Variants in COL4A3 observed in about 807,000 individuals in gnomAD.
The protein encoded by COL4A3 is collagen type IV alpha 3 chain.
A neutral mutation model predicts 217.4 loss-of-function variants in COL4A3; 135 were observed. That is an observed-to-expected ratio of 0.62 (90% CI 0.54 to 0.72). The LOEUF (loss-of-function observed/expected upper bound fraction) is 0.72. Ranked by LOEUF, COL4A3 falls within the 30% of genes least tolerant of loss-of-function variation. COL4A3 has a pLI of 0.00. For missense variants in COL4A3, 1,868 were observed against 2,119.9 expected, an observed-to-expected ratio of 0.88 and a Z score of 2.33; for synonymous variants, 690 against 736.3, an observed-to-expected ratio of 0.94 and a Z score of 1.02.
In COL4A3 at chr2:227,203,419, ATACATACATATATGTGTG is replaced by A. The variant is rs769772683; in HGVS notation, c.88-34546_88-34529del. On this transcript the variant is annotated intron_variant, in intron 1 of 51. Coordinates refer to ENST00000396578, the MANE Select transcript of COL4A3 (RefSeq NM_000091.5). Reference sequence around the variant, plus strand: ...TATGTGTATACATACATATATGTGTATACATACATATATGTGTGTATATGTGTATACATACATATATGT... The same window carrying A: ...TATGTGTATACATACATATATGTGTATATATGTGTATACATACATATATGT... Among the ~76,000 whole-genome samples the A allele has an allele frequency of 7.5e-4, 42 of 55,872 alleles. 15 individuals carry two copies. Among genetic ancestry groups the A allele is most frequent in the Non-Finnish European group, 1.1e-3 (34 of 29,668 alleles). The allele number at this position is 55,872 out of a possible 152,430, so 36.7% of individuals were successfully genotyped here. A position where few individuals can be genotyped will look rare whatever the true frequency, so the allele number is the denominator to read the frequency against.
chr2:227,280,532 C>G lies in COL4A3; in HGVS notation c.2316C>G (p.Leu772=), dbSNP rs1223874702. The G allele has an allele frequency of 1.9e-6, 3 of 1,614,084 alleles. No homozygotes were observed. The highest frequency in any genetic ancestry group is 2.5e-6 in the Non-Finnish European group (3 of 1,179,970). ...CTGGGGAACATGGAGAAATTGGACT[C>G]CCTGGACTTCCAGGTCTCCCTGGAA... The part of the protein sequence containing the change: ...GNSGEHGEIG[L]PGLPGLPGTP... The change falls in exon 30 of 52, where the codon CTC becomes CTG. Residue 772 remains leucine (L), a synonymous_variant. Coordinates refer to ENST00000396578, the MANE Select transcript of COL4A3 (RefSeq NM_000091.5).
chr2:227,246,871 ATAGT>A (rs770688038), intron 7 of COL4A3, 133 bp downstream of exon 7: 6 of 810,092 alleles, frequency 7.4e-6, no homozygotes, highest in South Asian at 4.1e-5. Flanking sequence ...CATTCAACTA[ATAGT>A]TAGGGAATGG....
At chr2:227,214,626 G>T (rs2067458363) in intron 1 of COL4A3, among the ~76,000 whole-genome samples, 1 of 152,266 alleles carries the variant, frequency 6.6e-6, no homozygotes, top group East Asian at 1.9e-4. Context: ...AGGTCCTATT[G>T]CTATCTCTGG....
intron 1 of COL4A3, among the ~76,000 whole-genome samples, chr2:227,229,499 G>A (rs1354108839): frequency 6.6e-6 from 1 of 152,168 alleles, no homozygotes; most frequent in Non-Finnish European, 1.5e-5. Flanking sequence ...CTTTGGCACT[G>A]GACAAGGGAC....
chr2:227,266,527 T>C lies in COL4A3; in HGVS notation c.1408+18T>C. The C allele has an allele frequency of 1.3e-6, 2 of 1,580,730 alleles. No individual in the cohort carries two copies. The highest frequency in any genetic ancestry group is 1.7e-6 in the Non-Finnish European group (2 of 1,150,214). ...GCCCAAAGGTTGGTTCAATCAATAA[T>C]GTTGTATTAGGATAAGCCTTTTTCA... On this transcript the variant is annotated intron_variant, in intron 22 of 51. Coordinates refer to ENST00000396578, the MANE Select transcript of COL4A3 (RefSeq NM_000091.5).
chr2:227,169,250 A>G (rs998676757), intron 1 of COL4A3: 27 of 151,376 alleles, frequency 1.8e-4, no homozygotes, highest in African/African-American at 6.3e-4. Flanking sequence ...ATAGTATTCC[A>G]TGGTGTATAT....
At chr2:227,201,648 G>C (rs558330207) in intron 1 of COL4A3, among the ~76,000 whole-genome samples, 8 of 152,258 alleles carry the variant, frequency 5.3e-5, no homozygotes, top group African/African-American at 1.9e-4. Context: ...AGAAATACCT[G>C]ATGTCACTAT....
intron 41 of COL4A3, among the ~76,000 whole-genome samples, chr2:227,295,909 CT>C: frequency 1.3e-5 from 2 of 152,336 alleles, no homozygotes; most frequent in East Asian, 3.9e-4. Context: ...TAAACAGCTT[CT>C]TTTAACTCTT....
At chr2:227,303,172 G>T (rs2073365752) in intron 44 of COL4A3, 62 bp downstream of exon 44, 20 of 1,415,086 alleles carry the variant, frequency 1.4e-5, no homozygotes, top group Non-Finnish European at 2.0e-5. Context: ...ATATTTTAGG[G>T]CACACAAGTG....
In COL4A3 at chr2:227,307,724, G is replaced by A; in HGVS notation, c.4267G>A (p.Asp1423Asn). ...SKGEPGPAGS[D>N]GLPGLKGKRG... The stretch of plus-strand genomic sequence containing the variant: ...GTTTTTTGAAGGACCAGCTGGATCA[G>A]ATGGATTGCCAGGTTTGAAAGGAAA... The change falls in exon 48 of 52, where the codon GAT (aspartate) becomes AAT (asparagine). Residue 1423 changes from aspartate to asparagine, a missense_variant. Asp to Asn is a conservative substitution (Grantham distance 23). Coordinates refer to ENST00000396578, the MANE Select transcript of COL4A3 (RefSeq NM_000091.5). 2.5e-6 allele frequency: 4 copies of A among 1,614,108 alleles called. No homozygotes were observed. Among genetic ancestry groups the A allele is most frequent in the Non-Finnish European group, 2.5e-6 (3 of 1,180,002 alleles).
At chr2:227,300,993 G>A (rs35714285) in intron 43 of COL4A3, among the ~76,000 whole-genome samples, 43,307 of 152,010 alleles carry the variant, frequency 0.28, 7,002 homozygotes, top group South Asian at 0.46. Context: ...AGGTGGGAAT[G>A]AGGACACCTT....
intron 1 of COL4A3, among the ~76,000 whole-genome samples, chr2:227,168,376 T>G (rs2065351303): frequency 6.6e-6 from 1 of 152,246 alleles, no homozygotes; most frequent in South Asian, 2.1e-4. Flanking sequence ...TGAGATCTTG[T>G]TTTGACCAGT....
intron 1 of COL4A3, among the ~76,000 whole-genome samples, chr2:227,203,367 ATG>A (rs1205204737): frequency 5.1e-5 from 3 of 58,900 alleles, no homozygotes; most frequent in South Asian, 7.5e-4. Flanking sequence ...ATATACATAT[ATG>A]TGTATACATA....
At chr2:227,304,599 T>C (rs1330505613) in intron 46 of COL4A3, among the ~76,000 whole-genome samples, 1 of 152,326 alleles carries the variant, frequency 6.6e-6, no homozygotes, top group African/African-American at 2.4e-5. Flanking sequence ...CCTCTACATA[T>C]GCACAGCATA....
intron 26 of COL4A3, among the ~76,000 whole-genome samples, chr2:227,275,291 G>A (rs941362939): frequency 2.6e-5 from 4 of 151,932 alleles, no homozygotes; most frequent in African/African-American, 4.8e-5. Context: ...AGGGAATCTC[G>A]TGCCTCAGCC....
At chr2:227,203,359 A>G (rs548699122) in intron 1 of COL4A3, among the ~76,000 whole-genome samples, 1 of 46,394 alleles carries the variant, frequency 2.2e-5, no homozygotes, top group Non-Finnish European at 4.1e-5. Flanking sequence ...ATGTGTATAT[A>G]TACATATATG....
At chr2:227,186,831 C>G (rs1052715825) in intron 1 of COL4A3, among the ~76,000 whole-genome samples, 1 of 152,152 alleles carries the variant, frequency 6.6e-6, no homozygotes, top group African/African-American at 2.4e-5. Flanking sequence ...ACATTTATTT[C>G]TCACAATTCT....
At position 227,263,795 on chromosome 2, in the gene COL4A3, G is replaced by C. The variant is rs1380325246; in HGVS notation, c.1166G>C (p.Gly389Ala). The C allele has an allele frequency of 1.2e-6, 2 of 1,613,736 alleles. No homozygotes were observed. The highest frequency in any genetic ancestry group is 1.7e-6 in the Non-Finnish European group (2 of 1,179,852). The change falls in exon 21 of 52, where the codon GGC becomes GCC. Residue 389 changes from glycine (G) to alanine (A), a missense_variant. By Grantham distance (60) the Gly-to-Ala change is moderately conservative (BLOSUM62 0). Around this residue, in one of 2 missense-constraint regions of COL4A3, gnomAD observed 1,503 missense variants for 1,786.1 expected, o/e 0.84. Coordinates refer to ENST00000396578, the MANE Select transcript of COL4A3 (RefSeq NM_000091.5). ...TTTCTCCAAGGATCATCAAGGCCTG[G>C]CCTCAGAGGAGCCCCTGGATGGCCA... is the stretch of plus-strand genomic sequence containing the variant. ...VPGSPGSSRP[G>A]LRGAPGWPGL...
chr2:227,204,168 G>A lies in COL4A3; in HGVS notation c.88-33800G>A, dbSNP rs200159747. On this transcript the variant is annotated intron_variant, in intron 1 of 51. Transcript: ENST00000396578. The stretch of plus-strand genomic sequence containing the variant: ...ATCCAAGATCCACCATTTACTAGCC[G>A]GGTGACTTTAAGAAAATTACCTAGT... 5.9e-5 allele frequency among the ~76,000 whole-genome samples: 9 copies of A among 152,162 alleles called. No individual in the cohort carries two copies. The East Asian group carries it at 7.7e-4, about 13-fold the overall frequency.
Sources: gnomAD v4.1 joint callset for allele counts (sites outside exome capture counted in the v4.1 genomes callset) on GRCh38, gnomAD v4.1.1 for gene constraint, gnomAD v4.1.1 regional missense constraint, MANE v1.5 for transcripts, NCBI Gene and HGNC (gene_info 2026-07-23, HGNC 2026-07-21) for gene names.